Variants in E2F3 observed in about 807,000 individuals in gnomAD.
E2F3 encodes E2F transcription factor 3, also known as transcription factor E2F3.
E2F3 carries 11 observed loss-of-function variants against 44.4 expected under a neutral mutation model. That is an observed-to-expected ratio of 0.25 (90% CI 0.16 to 0.41). The LOEUF (loss-of-function observed/expected upper bound fraction) is 0.41. E2F3 is among the 10% of genes least tolerant of loss of function. E2F3 has a pLI of 1.00. For missense variants in E2F3, 487 were observed against 583.6 expected, an observed-to-expected ratio of 0.83 and a Z score of 1.70; for synonymous variants, 249 against 253.0, an observed-to-expected ratio of 0.98 and a Z score of 0.15.
chr6:20,410,736 A>G (rs138738043), intron 1 of E2F3, among the ~76,000 whole-genome samples: 5,849 of 152,224 alleles, frequency 0.038, 127 homozygotes, highest in Middle Eastern at 0.085. Flanking sequence ...CTCCTGCCTC[A>G]GCCTCCCCCG....
intron 1 of E2F3, among the ~76,000 whole-genome samples, chr6:20,449,867 CA>C (rs1304109517): frequency 1.2e-4 from 18 of 152,092 alleles, no homozygotes; most frequent in African/African-American, 4.1e-4. Flanking sequence ...TGAGAACATG[CA>C]GTATATGGTT....
At chr6:20,405,344 A>ATTT (rs150647270) in intron 1 of E2F3, among the ~76,000 whole-genome samples, 1 of 108,196 alleles carries the variant, frequency 9.2e-6, no homozygotes, top group Non-Finnish European at 1.9e-5. Flanking sequence ...GGTTATCTGC[A>ATTT]TTTTTTTTTT....
chr6:20,426,721 G>A (rs558025699), intron 1 of E2F3, among the ~76,000 whole-genome samples: 5 of 152,190 alleles, frequency 3.3e-5, no homozygotes, highest in Non-Finnish European at 7.3e-5. Flanking sequence ...CTCATGCCCA[G>A]GGCTTAAACT....
At chr6:20,465,808 C>CAG (rs375917967) in intron 1 of E2F3, among the ~76,000 whole-genome samples, 3 of 151,650 alleles carry the variant, frequency 2.0e-5, no homozygotes. Flanking sequence ...AGTATTCCAT[C>CAG]ATATATATAT....
rs1329809672 is a variant in E2F3, at chr6:20,460,450, T to C, written c.394-19396T>C. On this transcript the variant is annotated intron_variant, in intron 1 of 6. Coordinates refer to ENST00000346618, the MANE Select transcript of E2F3 (RefSeq NM_001949.5). ...AGTTCTGACTTGTTTTTTTCCTTAC[T>C]TGTTAAAGGAAAGATGTACCTTGGC... 2.0e-5 allele frequency among the ~76,000 whole-genome samples: 3 copies of C among 152,158 alleles called. No individual in the cohort carries two copies. In the East Asian group the frequency reaches 5.8e-4, roughly 29 times the overall value.
intron 1 of E2F3, chr6:20,440,293 T>C (rs1304322197): frequency 6.6e-6 from 1 of 152,216 alleles, no homozygotes; most frequent in Non-Finnish European, 1.5e-5. Flanking sequence ...CCAAAAAAAT[T>C]AAAATAATTT....
At chr6:20,418,249 T>A (rs1045898668) in intron 1 of E2F3, among the ~76,000 whole-genome samples, 4 of 152,232 alleles carry the variant, frequency 2.6e-5, no homozygotes, top group Non-Finnish European at 4.4e-5. Context: ...GCGCTGTCCA[T>A]ATAGTCGAGT....
At position 20,490,559 on chromosome 6, in the gene E2F3, T is replaced by A; in HGVS notation, c.*129T>A. The A allele has an allele frequency of 1.1e-6, 1 of 940,636 alleles. No homozygotes were observed. The highest frequency in any genetic ancestry group is 3.1e-5 in the South Asian group (1 of 32,638). 58.3% of individuals were successfully genotyped at this position (940,636 alleles called of 1,614,324 possible). ...AGTATCATGAAGTAAACTACAAACT[T>A]CAGAAGAAAGCTGACATTTTAATGA... On this transcript the variant is annotated 3_prime_UTR_variant, in exon 7 of 7. Coordinates refer to ENST00000346618, the MANE Select transcript of E2F3 (RefSeq NM_001949.5). This position sits in a 1 kb window ranked among gnomAD's most constrained non-coding sequence, Gnocchi z 4.3.
At chr6:20,463,549 T>A (rs1761597459) in intron 1 of E2F3, among the ~76,000 whole-genome samples, 2 of 152,316 alleles carry the variant, frequency 1.3e-5, no homozygotes, top group Non-Finnish European at 2.9e-5. Context: ...AAGAATTCTT[T>A]CGGCTTTCGT....
Position 20,490,286 on chromosome 6 carries a change from A to G in E2F3, c.1254A>G (p.Leu418=), listed in dbSNP as rs1174173741. Residue 418 remains leucine (L), a synonymous_variant, in exon 7 of 7, where the codon CTA becomes CTG. Transcript: ENST00000346618. This position sits in a 1 kb window ranked among gnomAD's most constrained non-coding sequence, Gnocchi z 4.3. ...QQTEDQIPSN[L]EGPFVNLLPP... ...CTGAGGACCAAATTCCTTCCAACCT[A>G]GAAGGACCGTTTGTGAACTTACTGC... The G allele has an allele frequency of 1.2e-6, 2 of 1,613,980 alleles. No homozygotes were observed. Among genetic ancestry groups the G allele is most frequent in the East Asian group, 2.2e-5 (1 of 44,884 alleles).
chr6:20,448,608 A>G (rs1761024966), intron 1 of E2F3, among the ~76,000 whole-genome samples: 1 of 152,204 alleles, frequency 6.6e-6, no homozygotes, highest in South Asian at 2.1e-4. Context: ...TGTATACTCC[A>G]TGTGGTGTAT....
intron 4 of E2F3, among the ~76,000 whole-genome samples, chr6:20,483,370 C>T (rs937592752): frequency 1.3e-5 from 2 of 152,160 alleles, no homozygotes; most frequent in Non-Finnish European, 2.9e-5. Context: ...ATTTTCTTCT[C>T]ACCAGATATC....
At chr6:20,403,788 C>G (rs1227374319) in intron 1 of E2F3, 8 of 1,494,944 alleles carry the variant, frequency 5.4e-6, no homozygotes, top group African/African-American at 1.4e-5. Context: ...CCCCCCACCT[C>G]CCCCCGGAGC....
At position 20,402,885 on chromosome 6, in the gene E2F3, C is replaced by T. The variant is rs1164914199; in HGVS notation, c.393+260C>T. Reference sequence around the variant, plus strand: ...CCACATCAAACACTCCAAAACTTTTCGCGGCCCCCCCTTCTTTTCCTGCAC... The same window carrying T: ...CCACATCAAACACTCCAAAACTTTTTGCGGCCCCCCCTTCTTTTCCTGCAC... On this transcript the variant is annotated intron_variant, in intron 1 of 6. Coordinates refer to ENST00000346618, the MANE Select transcript of E2F3 (RefSeq NM_001949.5). This position sits in a 1 kb window ranked among gnomAD's most constrained non-coding sequence, Gnocchi z 5.6. 1.3e-5 allele frequency among the ~76,000 whole-genome samples: 2 copies of T among 152,150 alleles called. No individual in the cohort carries two copies. Among genetic ancestry groups the T allele is most frequent in the Non-Finnish European group, 2.9e-5 (2 of 68,010 alleles).
At chr6:20,408,361 G>T (rs974363909) in intron 1 of E2F3, among the ~76,000 whole-genome samples, 1 of 152,166 alleles carries the variant, frequency 6.6e-6, no homozygotes, top group Non-Finnish European at 1.5e-5. Context: ...ATAACATACC[G>T]AGTTTCTATT....
intron 5 of E2F3, 30 bp downstream of exon 5, chr6:20,486,833 A>G (rs758427983): frequency 6.9e-6 from 10 of 1,444,052 alleles, no homozygotes; most frequent in Admixed American, 3.9e-5. Context: ...GTTCATCTGC[A>G]AAGATCTTTG....
intron 1 of E2F3, among the ~76,000 whole-genome samples, chr6:20,474,172 A>G (rs1761975576): frequency 6.6e-6 from 1 of 152,040 alleles, no homozygotes; most frequent in Admixed American, 6.6e-5. Flanking sequence ...CCTGGGCCCA[A>G]GTGATCCTCT....
chr6:20,421,521 T>C (rs1760026419), intron 1 of E2F3: 1 of 152,240 alleles, frequency 6.6e-6, no homozygotes, highest in Non-Finnish European at 1.5e-5. Context: ...TGACCAGGTC[T>C]ATTGTCAATG....
chr6:20,485,053 A>G (rs186237823), intron 4 of E2F3, among the ~76,000 whole-genome samples: 3 of 151,292 alleles, frequency 2.0e-5, no homozygotes, highest in African/African-American at 7.3e-5. Context: ...TAGATCACGG[A>G]CTCTATTAGC....
Sources: gnomAD v4.1 joint callset for allele counts (sites outside exome capture counted in the v4.1 genomes callset) on GRCh38, gnomAD v4.1.1 for gene constraint, Gnocchi (gnomAD v3.1) non-coding constraint, MANE v1.5 for transcripts, NCBI Gene and HGNC (gene_info 2026-07-23, HGNC 2026-07-21) for gene names.